Variants in CCNYL1 observed in about 807,000 individuals in gnomAD.
CCNYL1 encodes the protein cyclin Y like 1.
CCNYL1 carries 16 observed loss-of-function variants against 44.2 expected under a neutral mutation model. The ratio of observed to expected loss-of-function variants is 0.36; its 90% CI spans 0.25 to 0.55. The LOEUF (loss-of-function observed/expected upper bound fraction) is 0.55, where lower values mean the gene tolerates loss of function less well. CCNYL1 is among the 20% of genes least tolerant of loss of function. CCNYL1 has a pLI of 0.85. For missense variants in CCNYL1, 348 were observed against 451.8 expected (o/e 0.77, Z 2.08); for synonymous variants, 159 against 163.2 (o/e 0.97, Z 0.20).
chr2:207,742,680 G>T (rs1345972226), intron 7 of CCNYL1, among the ~76,000 whole-genome samples: 1 of 152,160 alleles, frequency 6.6e-6, no homozygotes, highest in Non-Finnish European at 1.5e-5. Flanking sequence ...ACAAAACCAT[G>T]TGGTTCAGAG....
At chr2:207,726,923 G>A (rs1453954773) in intron 3 of CCNYL1, 47 bp downstream of exon 3, 7 of 1,363,460 alleles carry the variant, frequency 5.1e-6, no homozygotes, top group Non-Finnish European at 7.0e-6. Context: ...TGAATTAAAA[G>A]TATGTCTGTC....
In CCNYL1 at chr2:207,754,000, A is replaced by G. The variant is rs774624406; in HGVS notation, c.*302A>G. 19 of 250,562 alleles carry G rather than the reference A, an allele frequency of 7.6e-5. No homozygotes were observed. The highest frequency in any genetic ancestry group is 1.2e-4 in the Non-Finnish European group (16 of 132,020). 15.5% of individuals were successfully genotyped at this position (250,562 alleles called of 1,614,324 possible). ...CTGTGTGGGCCGATAGCTGTGAACT[A>G]TGTAAGGTTTTTTAAACAATAGTTT... On this transcript the variant is annotated 3_prime_UTR_variant, in exon 10 of 10. Coordinates refer to ENST00000295414, the MANE Select transcript of CCNYL1 (RefSeq NM_001330218.2).
chr2:207,745,248 A>G (rs1559172297), intron 7 of CCNYL1, among the ~76,000 whole-genome samples: 1 of 152,162 alleles, frequency 6.6e-6, no homozygotes, highest in Non-Finnish European at 1.5e-5. Flanking sequence ...AGAGAAGGAG[A>G]AAGCCTTCAA....
At position 207,711,861 on chromosome 2, in the gene CCNYL1, A is replaced by G; in HGVS notation, c.-36A>G. 1 of 1,334,500 alleles carries G rather than the reference A, an allele frequency of 7.5e-7. No homozygotes were observed. The highest frequency in any genetic ancestry group is 9.7e-7 in the Non-Finnish European group (1 of 1,030,588). The allele number at this position is 1,334,500 out of a possible 1,614,324, so 82.7% of individuals were successfully genotyped here. A position where few individuals can be genotyped will look rare whatever the true frequency, so the allele number is the denominator to read the frequency against. On this transcript the variant is annotated 5_prime_UTR_variant, in exon 1 of 10. Transcript: ENST00000295414. ...GTTGAGGGCGGCGGAGTAGGGGGCG[A>G]GCGAAGGCGGTGGCAGAGAGGAGCG...
intron 1 of CCNYL1, among the ~76,000 whole-genome samples, chr2:207,724,305 T>A (rs2091663562): frequency 6.6e-6 from 1 of 152,222 alleles, no homozygotes; most frequent in South Asian, 2.1e-4. Flanking sequence ...TTAGTTTACT[T>A]GTTGAATGGA....
intron 4 of CCNYL1, among the ~76,000 whole-genome samples, chr2:207,734,644 G>A (rs1241826676): frequency 6.6e-6 from 1 of 152,208 alleles, no homozygotes. Context: ...CTTGGATTAT[G>A]AGCGTTGATT....
intron 7 of CCNYL1, among the ~76,000 whole-genome samples, chr2:207,746,026 A>G (rs900140443): frequency 2.0e-5 from 3 of 152,188 alleles, no homozygotes; most frequent in Admixed American, 1.3e-4. Flanking sequence ...TGAAATCTTT[A>G]CTCAGCTGTT....
chr2:207,742,469 G>A, intron 7 of CCNYL1, 127 bp downstream of exon 7: 1 of 841,370 alleles, frequency 1.2e-6, no homozygotes, highest in Non-Finnish European at 1.8e-6. Context: ...CCTATGAAAG[G>A]AACATAAATA....
At chr2:207,717,589 G>C (rs987984696) in intron 1 of CCNYL1, among the ~76,000 whole-genome samples, 2 of 152,170 alleles carry the variant, frequency 1.3e-5, no homozygotes, top group African/African-American at 4.8e-5. Context: ...CAGTTACATG[G>C]GGGTTGTGGG....
chr2:207,739,637 TAACAC>T (rs916389621), intron 5 of CCNYL1, among the ~76,000 whole-genome samples: 2 of 152,270 alleles, frequency 1.3e-5, no homozygotes, highest in African/African-American at 4.8e-5. Flanking sequence ...TGCTTTTCCT[TAACAC>T]AACTCTACCT....
intron 3 of CCNYL1, among the ~76,000 whole-genome samples, chr2:207,728,315 G>T (rs1377385523): frequency 6.4e-5 from 9 of 141,152 alleles, no homozygotes; most frequent in African/African-American, 2.4e-4. Context: ...TCACTCTGTT[G>T]CCCAAGCTGG....
chr2:207,741,275 T>G lies in CCNYL1; in HGVS notation c.519+569T>G, dbSNP rs1030022254. Among the ~76,000 whole-genome samples, 12 of 151,802 alleles carry G rather than the reference T, an allele frequency of 7.9e-5. No homozygotes were observed. In the East Asian group the frequency reaches 2.1e-3, roughly 27 times the overall value. On this transcript the variant is annotated intron_variant, in intron 6 of 9. Coordinates refer to ENST00000295414, the MANE Select transcript of CCNYL1 (RefSeq NM_001330218.2). ...CTCAAAAAAAAAAAATTTTTCAAAG[T>G]GTATTTAAGAGAATCCTAACATATG...
chr2:207,737,382 T>A, intron 4 of CCNYL1, 29 bp from the exon 5 acceptor site: 2 of 1,562,780 alleles, frequency 1.3e-6, no homozygotes, highest in Non-Finnish European at 1.8e-6. Flanking sequence ...AAATCAGTTG[T>A]TAAAAATAAT....
rs1470526174 is a variant in CCNYL1 at position 207,747,181 on chromosome 2, C to T, written c.774C>T (p.Cys258=). The change falls in exon 8 of 10, where the codon TGC becomes TGT. Residue 258 remains cysteine (C), a synonymous_variant. Transcript: ENST00000295414. ...AGGCTGTATGGAATGTGGACTACTG[C>T]CAGATCCTCAAGGACATTACAGTTG... is the stretch of plus-strand genomic sequence containing the variant. ...DDQAVWNVDY[C]QILKDITVED... is the part of the protein sequence containing the mutation. 3 of 1,613,758 alleles carry T rather than the reference C, an allele frequency of 1.9e-6. No homozygotes were observed. The highest frequency in any genetic ancestry group is 2.2e-5 in the South Asian group (2 of 91,028).
intron 2 of CCNYL1, among the ~76,000 whole-genome samples, chr2:207,725,910 G>A (rs1421921943): frequency 6.6e-6 from 1 of 152,214 alleles, no homozygotes; most frequent in Admixed American, 6.5e-5. Flanking sequence ...AATACAAGAA[G>A]TGGGGGTTCT....
At chr2:207,731,703 T>C (rs1177545119) in intron 3 of CCNYL1, among the ~76,000 whole-genome samples, 1 of 152,044 alleles carries the variant, frequency 6.6e-6, no homozygotes, top group East Asian at 1.9e-4. Context: ...TGCCACCCCC[T>C]AGTCTCAAGA....
Position 207,715,379 on chromosome 2 carries a change from CTTTTTTTTTTTT to C in CCNYL1, c.220+3274_220+3285del, listed in dbSNP as rs770646092. Among the ~76,000 whole-genome samples, 170 of 100,766 alleles carry C rather than the reference CTTTTTTTTTTTT, an allele frequency of 1.7e-3. 5 individuals carry two copies. Among genetic ancestry groups the C allele is most frequent in the African/African-American group, 5.6e-3 (147 of 26,438 alleles). 66.1% of individuals were successfully genotyped at this position (100,766 alleles called of 152,430 possible). A position where few individuals can be genotyped will look rare whatever the true frequency, so the allele number is the denominator to read the frequency against. On this transcript the variant is annotated intron_variant, in intron 1 of 9. Coordinates refer to ENST00000295414, the MANE Select transcript of CCNYL1 (RefSeq NM_001330218.2). ...CTCGGCTTTGTTCTTCAAGCTATTTCTTTTTTTTTTTTTTTTTTTTTTGACAGAGCTTCACTC... is the reference window on the plus strand; with the variant it reads ...CTCGGCTTTGTTCTTCAAGCTATTTCTTTTTTTTTTGACAGAGCTTCACTC...
intron 7 of CCNYL1, among the ~76,000 whole-genome samples, chr2:207,743,691 A>T (rs906908090): frequency 6.6e-6 from 1 of 152,234 alleles, no homozygotes; most frequent in African/African-American, 2.4e-5. Context: ...AGGAGAAGGT[A>T]ATAAAAGAAC....
chr2:207,749,573 ATG>A (rs1197084505), intron 8 of CCNYL1, among the ~76,000 whole-genome samples: 2 of 152,232 alleles, frequency 1.3e-5, no homozygotes, highest in Non-Finnish European at 2.9e-5. Flanking sequence ...CTCTATTAAT[ATG>A]TGTGTTAATC....
Sources: allele counts gnomAD v4.1 joint callset (sites outside exome capture counted in the v4.1 genomes callset), GRCh38; gene constraint gnomAD v4.1.1; transcripts MANE v1.5; gene names NCBI Gene and HGNC (gene_info 2026-07-23, HGNC 2026-07-21).